Variants in MTRF1L observed in about 807,000 individuals in gnomAD.
The protein encoded by MTRF1L is mitochondrial translation release factor 1 like, also known as peptide chain release factor 1-like, mitochondrial.
A neutral mutation model predicts 40.0 loss-of-function variants in MTRF1L; 29 were observed. The ratio of observed to expected loss-of-function variants is 0.73; its 90% CI spans 0.54 to 0.99. The LOEUF (loss-of-function observed/expected upper bound fraction) is 0.99. Ranked by LOEUF, MTRF1L falls within the 50% of genes least tolerant of loss-of-function variation. MTRF1L has a pLI of 0.00. For synonymous variants in MTRF1L, 150 were observed against 175.8 expected, an observed-to-expected ratio of 0.85 and a Z score of 1.16; for missense variants, 412 against 464.5, an observed-to-expected ratio of 0.89 and a Z score of 1.04.
At chr6:152,991,400 C>T (rs1778511235) in intron 5 of MTRF1L, 79 bp from the exon 6 acceptor site, 22 of 1,408,322 alleles carry the variant, frequency 1.6e-5, no homozygotes, top group Non-Finnish European at 2.1e-5. Flanking sequence ...TTTTCCTCCT[C>T]ATCCTTTTTC....
In MTRF1L at chr6:152,996,361, TTC is replaced by T. The variant is rs1252203949; in HGVS notation, c.340-1044_340-1043del. On this transcript the variant is annotated intron_variant, in intron 2 of 6. Coordinates refer to ENST00000367233, the MANE Select transcript of MTRF1L (RefSeq NM_019041.7). ...ATTTTGAACAAATAATGGATTTTAC[TTC>T]TGTTTGTTGATTACTAGACACTGAA... Among the ~76,000 whole-genome samples, 14 of 152,330 alleles carry T rather than the reference TTC, an allele frequency of 9.2e-5. 1 individual carries two copies. The highest frequency in any genetic ancestry group is 6.2e-4 in the South Asian group (3 of 4,832).
At chr6:153,001,586 C>T (rs937280797) in intron 1 of MTRF1L, among the ~76,000 whole-genome samples, 14 of 152,222 alleles carry the variant, frequency 9.2e-5, no homozygotes, top group African/African-American at 3.1e-4. Context: ...ATACTTTCAT[C>T]TTAATTAACA....
Position 152,991,223 on chromosome 6 carries a change from C to T in MTRF1L, c.904G>A (p.Glu302Lys). 6.4e-7 allele frequency: 1 copy of T among 1,573,010 alleles called. No homozygotes were observed. Among genetic ancestry groups the T allele is most frequent in the East Asian group, 2.3e-5 (1 of 44,012 alleles). ...GCATTCTGTCTTTTATTTATTTCTTCTTCTAGATGCATGCTGTACAGTTTT... is the reference window on the plus strand; with the variant it reads ...GCATTCTGTCTTTTATTTATTTCTTTTTCTAGATGCATGCTGTACAGTTTT... ...RAKLYSMHLE[E>K]EINKRQNARK... Residue 302 changes from glutamate (E) to lysine (K), a missense_variant, in exon 6 of 7, where the codon GAA becomes AAA. By Grantham distance (56) the Glu-to-Lys change is moderately conservative. Coordinates refer to ENST00000367233, the MANE Select transcript of MTRF1L (RefSeq NM_019041.7).
intron 2 of MTRF1L, among the ~76,000 whole-genome samples, chr6:152,996,149 C>CT (rs1238632350): frequency 6.6e-6 from 1 of 152,124 alleles, no homozygotes; most frequent in Non-Finnish European, 1.5e-5. Context: ...AGATGTGAAA[C>CT]TAATTTTACA....
In MTRF1L at chr6:152,998,567, T is replaced by C; in HGVS notation, c.322A>G (p.Thr108Ala). ...TACCATACCTGATGCTTCAGCTGAG[T>C]TATTTCTTTTTGACACAAAGTGATT... is the stretch of plus-strand genomic sequence containing the variant. ...NEITLCQKEI[T>A]QLKHQIILLL... The change falls in exon 2 of 7, where the codon ACT becomes GCT. Residue 108 changes from threonine (T) to alanine (A), a missense_variant. Physicochemically the swap from Thr to Ala is moderately conservative, Grantham distance 58. Coordinates refer to ENST00000367233, the MANE Select transcript of MTRF1L (RefSeq NM_019041.7). 6.3e-7 allele frequency: 1 copy of C among 1,595,000 alleles called. No homozygotes were observed. Among genetic ancestry groups the C allele is most frequent in the Non-Finnish European group, 8.5e-7 (1 of 1,172,538 alleles).
chr6:152,996,595 C>A (rs1778722575), intron 2 of MTRF1L, among the ~76,000 whole-genome samples: 1 of 152,116 alleles, frequency 6.6e-6, no homozygotes, highest in African/African-American at 2.4e-5. Flanking sequence ...TTCCTGGCTC[C>A]TTCCTTACCT....
At position 153,002,302 on chromosome 6, in the gene MTRF1L, G is replaced by A. The variant is rs1778947898; in HGVS notation, c.259+125C>T. On this transcript the variant is annotated intron_variant, in intron 1 of 6. Transcript: ENST00000367233. ...AGCACGTAATGATGTCCTGACCTCTGATCCAAAATAAAAACGGCTGCAAGT... is the reference window on the plus strand; with the variant it reads ...AGCACGTAATGATGTCCTGACCTCTAATCCAAAATAAAAACGGCTGCAAGT... 3 of 1,426,898 alleles carry A rather than the reference G, an allele frequency of 2.1e-6. No homozygotes were observed. The Admixed American group carries it at 5.6e-5, about 27-fold the overall frequency. The allele number at this position is 1,426,898 out of a possible 1,614,324, so 88.4% of individuals were successfully genotyped here.
chr6:152,991,273 T>C lies in MTRF1L; in HGVS notation c.854A>G (p.Glu285Gly), dbSNP rs189467843. The C allele has an allele frequency of 2.4e-5, 39 of 1,603,640 alleles. No homozygotes were observed. Among genetic ancestry groups the C allele is most frequent in the Admixed American group, 1.4e-4 (8 of 58,690 alleles). ...TGCACGTAACTTTGTCATAGCCAGC[T>C]CTTTATTTTTCAGCTGAGATCTCTC... ...QQERSQLKNKELAMTKLRAKL... is the reference protein window; with the variant it reads ...QQERSQLKNKGLAMTKLRAKL... The change falls in exon 6 of 7, where the codon GAG becomes GGG. Residue 285 changes from glutamate to glycine, a missense_variant. By Grantham distance (98) the Glu-to-Gly change is moderately conservative (BLOSUM62 -2). Transcript: ENST00000367233.
intron 5 of MTRF1L, 108 bp from the exon 6 acceptor site, chr6:152,991,429 A>G (rs1778512352): frequency 7.9e-7 from 1 of 1,260,570 alleles, no homozygotes; most frequent in Non-Finnish European, 1.1e-6. Flanking sequence ...TTATGAGGGG[A>G]AAAAACAGAG....
intron 1 of MTRF1L, among the ~76,000 whole-genome samples, chr6:153,000,064 A>G (rs527266405): frequency 6.6e-6 from 1 of 152,204 alleles, no homozygotes; most frequent in South Asian, 2.1e-4. Flanking sequence ...TAGAATGGAA[A>G]ATGTGTTAGG....
At chr6:152,991,615 C>T (rs1239503399) in intron 5 of MTRF1L, among the ~76,000 whole-genome samples, 2 of 152,166 alleles carry the variant, frequency 1.3e-5, no homozygotes, top group Admixed American at 6.5e-5. Flanking sequence ...GGCGCGATCT[C>T]GGCTCACTGC....
Position 152,990,907 on chromosome 6 carries a change from C to T in MTRF1L, c.942+278G>A, listed in dbSNP as rs555972032. Among the ~76,000 whole-genome samples, 3 of 152,230 alleles carry T rather than the reference C, an allele frequency of 2.0e-5. No individual in the cohort carries two copies. The South Asian group carries it at 6.2e-4, about 32-fold the overall frequency. On this transcript the variant is annotated intron_variant, in intron 6 of 6. Transcript: ENST00000367233. ...CAAGTTGAGTTTGCTTTCCAACTTTCTTGCGTAATTAAAATTTCAAAGGAT... is the reference window on the plus strand; with the variant it reads ...CAAGTTGAGTTTGCTTTCCAACTTTTTTGCGTAATTAAAATTTCAAAGGAT...
intron 1 of MTRF1L, among the ~76,000 whole-genome samples, chr6:153,002,201 C>A (rs1279508376): frequency 6.6e-6 from 1 of 152,192 alleles, no homozygotes; most frequent in African/African-American, 2.4e-5. Context: ...GAGTCCACAA[C>A]TAATAAGCAT....
chr6:152,993,917 T>A (rs1778620174), intron 4 of MTRF1L, among the ~76,000 whole-genome samples: 2 of 152,196 alleles, frequency 1.3e-5, no homozygotes, highest in Non-Finnish European at 2.9e-5. Context: ...TAGGAACCAC[T>A]AAGAGTTCCT....
At chr6:152,995,407 T>C in intron 2 of MTRF1L, 88 bp from the exon 3 acceptor site, 1 of 1,225,936 alleles carries the variant, frequency 8.2e-7, no homozygotes, top group Non-Finnish European at 1.1e-6. Context: ...GAATTTTAAA[T>C]ATTTAAGTTT....
At chr6:152,998,154 CT>C (rs1036367920) in intron 2 of MTRF1L, 1 of 106,584 alleles carries the variant, frequency 9.4e-6, no homozygotes, top group African/African-American at 3.7e-5. Context: ...CTCCAGTCTT[CT>C]TAAAAAAAAA....
chr6:153,000,361 TTTACAC>T (rs1477034351), intron 1 of MTRF1L, among the ~76,000 whole-genome samples: 1 of 152,166 alleles, frequency 6.6e-6, no homozygotes. Flanking sequence ...CTATATGTAT[TTTACAC>T]TTACACACCT....
chr6:152,990,778 C>T (rs768525326), intron 6 of MTRF1L, among the ~76,000 whole-genome samples: 4 of 152,060 alleles, frequency 2.6e-5, no homozygotes, highest in African/African-American at 7.2e-5. Flanking sequence ...GAGCTGAGAT[C>T]GCACCACTGC....
At chr6:153,002,370 G>A (rs1220434127) in intron 1 of MTRF1L, 57 bp downstream of exon 1, 2 of 1,613,266 alleles carry the variant, frequency 1.2e-6, no homozygotes, top group African/African-American at 2.7e-5. Flanking sequence ...CAGTGGAAAA[G>A]TCAAACGAAG....
Sources: gnomAD v4.1 joint callset for allele counts (sites outside exome capture counted in the v4.1 genomes callset) on GRCh38, gnomAD v4.1.1 for gene constraint, MANE v1.5 for transcripts, NCBI Gene and HGNC (gene_info 2026-07-23, HGNC 2026-07-21) for gene names.